Variants in COL23A1 observed in about 807,000 individuals in gnomAD.
COL23A1 encodes collagen type XXIII alpha 1 chain, also known as collagen alpha-1(XXIII) chain.
COL23A1 carries 97 observed loss-of-function variants against 99.3 expected under a neutral mutation model. The observed-to-expected ratio is 0.98, with a 90% CI of 0.83 to 1.16. The LOEUF (loss-of-function observed/expected upper bound fraction) is 1.16, where lower values mean the gene tolerates loss of function less well. Ranked by LOEUF, COL23A1 falls within the 50% of genes most tolerant of loss-of-function variation. The probability of loss-of-function intolerance (pLI) is 0.00; values close to 1 mark genes in which losing one functional copy is unlikely to be tolerated. For synonymous variants in COL23A1, 320 were observed against 308.2 expected (o/e 1.04, Z -0.40); for missense variants, 762 against 757.4 (o/e 1.01, Z -0.07).
intron 2 of COL23A1, among the ~76,000 whole-genome samples, chr5:178,358,597 GTA>G (rs1237328617): frequency 7.5e-5 from 11 of 147,440 alleles, no homozygotes; most frequent in Non-Finnish European, 1.2e-4. Flanking sequence ...GTGTGTATGT[GTA>G]TGTGTGTATG....
At chr5:178,453,557 C>T (rs760946409) in intron 2 of COL23A1, among the ~76,000 whole-genome samples, 2 of 152,084 alleles carry the variant, frequency 1.3e-5, no homozygotes, top group Non-Finnish European at 2.9e-5. Flanking sequence ...AAGGAATCTA[C>T]CCCTTAATTT....
chr5:178,423,639 T>C (rs904892898), intron 2 of COL23A1, among the ~76,000 whole-genome samples: 1 of 152,118 alleles, frequency 6.6e-6, no homozygotes, highest in African/African-American at 2.4e-5. Context: ...AGTGCAAACA[T>C]GTACACACAC....
chr5:178,546,241 C>T (rs374534140), intron 2 of COL23A1, among the ~76,000 whole-genome samples: 11 of 152,132 alleles, frequency 7.2e-5, no homozygotes, highest in South Asian at 2.1e-4. Flanking sequence ...CTCCTGTTCC[C>T]GAGGTGGGGG....
intron 2 of COL23A1, among the ~76,000 whole-genome samples, chr5:178,369,581 T>C (rs938950710): frequency 6.6e-6 from 1 of 152,172 alleles, no homozygotes; most frequent in Non-Finnish European, 1.5e-5. Flanking sequence ...AATTGAATCA[T>C]GGGGGCAGGT....
chr5:178,464,788 C>CAGT (rs1756324617), intron 2 of COL23A1, among the ~76,000 whole-genome samples: 2 of 152,220 alleles, frequency 1.3e-5, no homozygotes, highest in East Asian at 3.9e-4. Context: ...GTGTAGCTCT[C>CAGT]AGATCCCGTG....
At chr5:178,529,133 T>G (rs982204187) in intron 2 of COL23A1, among the ~76,000 whole-genome samples, 5 of 152,242 alleles carry the variant, frequency 3.3e-5, no homozygotes, top group Admixed American at 3.3e-4. Flanking sequence ...GATATGGCCT[T>G]GTCGTCCAAG....
chr5:178,254,147 C>T (rs755310748), intron 16 of COL23A1, among the ~76,000 whole-genome samples: 3 of 152,138 alleles, frequency 2.0e-5, no homozygotes, highest in Non-Finnish European at 1.5e-5. Context: ...AAGAGTGAAT[C>T]TCCATCTCAA....
intron 2 of COL23A1, among the ~76,000 whole-genome samples, chr5:178,408,540 G>C (rs1159427698): frequency 1.3e-5 from 2 of 152,084 alleles, no homozygotes; most frequent in Non-Finnish European, 2.9e-5. Flanking sequence ...GTAACAAATG[G>C]GGGAGTGTAA....
At chr5:178,436,663 G>A (rs1581388981) in intron 2 of COL23A1, among the ~76,000 whole-genome samples, 1 of 152,254 alleles carries the variant, frequency 6.6e-6, no homozygotes, top group African/African-American at 2.4e-5. Flanking sequence ...GACCAGCTAA[G>A]CCCTCCTTAC....
intron 2 of COL23A1, among the ~76,000 whole-genome samples, chr5:178,554,105 G>A (rs538083661): frequency 3.9e-5 from 6 of 152,276 alleles, no homozygotes; most frequent in Non-Finnish European, 5.9e-5. Flanking sequence ...ATCGGGCCAC[G>A]CAGCCTAGAT....
At chr5:178,382,941 C>T (rs1209655608) in intron 2 of COL23A1, among the ~76,000 whole-genome samples, 1 of 152,030 alleles carries the variant, frequency 6.6e-6, no homozygotes, top group East Asian at 1.9e-4. Context: ...GAGCTGAGGA[C>T]AGGAGGGAGG....
At chr5:178,518,810 G>T (rs1328327247) in intron 2 of COL23A1, among the ~76,000 whole-genome samples, 1 of 149,082 alleles carries the variant, frequency 6.7e-6, no homozygotes, top group Non-Finnish European at 1.5e-5. Flanking sequence ...CTTGCCCTCG[G>T]GCCCCGCGGG....
chr5:178,576,794 C>G (rs1763386328), intron 1 of COL23A1, among the ~76,000 whole-genome samples: 1 of 151,986 alleles, frequency 6.6e-6, no homozygotes, highest in South Asian at 2.1e-4. Context: ...CGGTCCTGTC[C>G]TCCGAGGCGC....
chr5:178,323,556 A>G (rs928376725), intron 2 of COL23A1, among the ~76,000 whole-genome samples: 2 of 152,044 alleles, frequency 1.3e-5, no homozygotes, highest in African/African-American at 4.8e-5. Context: ...GGAGAGGCTA[A>G]GGGGGATCTG....
chr5:178,406,217 A>T (rs1195131677), intron 2 of COL23A1, among the ~76,000 whole-genome samples: 1 of 152,218 alleles, frequency 6.6e-6, no homozygotes, highest in African/African-American at 2.4e-5. Flanking sequence ...AACAAGATAA[A>T]AAAAAACCTA....
rs1265142589 is a variant in COL23A1 at position 178,281,845 on chromosome 5, T to C, written c.441+6479A>G. 2.0e-5 allele frequency among the ~76,000 whole-genome samples: 3 copies of C among 151,098 alleles called. No individual in the cohort carries two copies. Among genetic ancestry groups the C allele is most frequent in the Non-Finnish European group, 2.9e-5 (2 of 67,806 alleles). ...TGGTCAGATTGCCTGAGCTCAGGAGTTTGAGACCAGCCTGTGCAACATGGC... is the reference window on the plus strand; with the variant it reads ...TGGTCAGATTGCCTGAGCTCAGGAGCTTGAGACCAGCCTGTGCAACATGGC... On this transcript the variant is annotated intron_variant, in intron 5 of 28. Transcript: ENST00000390654. The surrounding 1 kb of genome is among the most constrained non-coding windows in gnomAD (Gnocchi z 4.0).
chr5:178,249,737 C>CTG (rs1561789146), intron 18 of COL23A1, among the ~76,000 whole-genome samples: 17 of 148,798 alleles, frequency 1.1e-4, no homozygotes, highest in African/African-American at 4.2e-4. Flanking sequence ...CTCTCTCTCT[C>CTG]TCTCTCTCTC....
At chr5:178,284,138 G>A (rs1198265869) in intron 5 of COL23A1, among the ~76,000 whole-genome samples, 4 of 152,210 alleles carry the variant, frequency 2.6e-5, no homozygotes, top group African/African-American at 9.7e-5. Context: ...AATGTTCTGA[G>A]TTAGGAATTA....
chr5:178,298,390 C>T (rs1342448617), intron 3 of COL23A1, among the ~76,000 whole-genome samples: 1 of 152,204 alleles, frequency 6.6e-6, no homozygotes, highest in Non-Finnish European at 1.5e-5. Context: ...TCTCTGGGAA[C>T]AATCATGTCT....
Sources: allele counts gnomAD v4.1 joint callset (sites outside exome capture counted in the v4.1 genomes callset), GRCh38; gene constraint gnomAD v4.1.1; non-coding constraint Gnocchi (gnomAD v3.1); transcripts MANE v1.5; gene names NCBI Gene and HGNC (gene_info 2026-07-23, HGNC 2026-07-21).